The following FGF13 variants were observed in gnomAD, a reference collection of about 807,000 sequenced individuals.
FGF13 encodes fibroblast growth factor 13, also known as fibroblast growth factor homologous factor 2.
FGF13 carries 2 observed loss-of-function variants against 19.5 expected under a neutral mutation model. The ratio of observed to expected loss-of-function variants is 0.10; its 90% CI spans 0.04 to 0.32. FGF13 has a LOEUF of 0.32. Among genes scored for constraint, FGF13 ranks in the 10% least tolerant of loss-of-function variants. FGF13 has a pLI of 1.00. For synonymous variants in FGF13, 72 were observed against 76.9 expected, an observed-to-expected ratio of 0.94 and a Z score of 0.33; for missense variants, 113 against 192.7, an observed-to-expected ratio of 0.59 and a Z score of 2.45.
intron 1 of FGF13, among the ~76,000 whole-genome samples, chrX:138,882,625 C>T (rs1334350357): frequency 6.3e-5 from 7 of 111,717 alleles, no homozygotes; most frequent in Non-Finnish European, 1.3e-4. Context: ...CTCAAGCCAT[C>T]CAGGGTAAAC....
chrX:138,711,833 C>T (rs950441468), upstream of FGF13, among the ~76,000 whole-genome samples: 1 of 104,634 alleles, frequency 9.6e-6, no homozygotes, highest in South Asian at 4.6e-4. Context: ...CCCCAAGTCC[C>T]CGGCCGCCCG....
intron 1 of FGF13, among the ~76,000 whole-genome samples, chrX:139,174,307 TTGTCA>T (rs2084160517): frequency 8.9e-6 from 1 of 112,540 alleles, no homozygotes; most frequent in Non-Finnish European, 1.9e-5. Context: ...TGTTAGCTCT[TTGTCA>T]GATGGATAGA....
At chrX:138,824,676 T>G (rs2091022020) in intron 3 of FGF13, among the ~76,000 whole-genome samples, 10 of 111,280 alleles carry the variant, frequency 9.0e-5, no homozygotes, top group Admixed American at 4.8e-4. Flanking sequence ...AGGCCAAATT[T>G]TACTAAATTT....
intron 1 of FGF13, among the ~76,000 whole-genome samples, chrX:138,989,873 C>G (rs992838382): frequency 1.8e-5 from 2 of 111,574 alleles, no homozygotes; most frequent in African/African-American, 6.5e-5. Flanking sequence ...CGTGTTCACA[C>G]TATTGTGTCA....
intron 1 of FGF13, among the ~76,000 whole-genome samples, chrX:138,888,245 C>A (rs1244973382): frequency 8.9e-6 from 1 of 112,034 alleles, no homozygotes; most frequent in African/African-American, 3.2e-5. Context: ...TATCACTTTG[C>A]AAGTCCTATT....
chrX:138,821,403 T>C (rs2090998798), intron 3 of FGF13, among the ~76,000 whole-genome samples: 1 of 111,927 alleles, frequency 8.9e-6, no homozygotes, highest in Non-Finnish European at 1.9e-5. Flanking sequence ...CTTTTGAGTA[T>C]GCCTGGAACG....
Position 138,711,195 on chromosome X carries a change from C to T in FGF13, c.-192G>A, listed in dbSNP as rs750308528. ...GCTCAGCATGCCGTCCGAGCTCCTCCGGCGGCGGTCCGGCTCCCGCGCGGG... is the reference window on the plus strand; with the variant it reads ...GCTCAGCATGCCGTCCGAGCTCCTCTGGCGGCGGTCCGGCTCCCGCGCGGG... On this transcript the variant is annotated 5_prime_UTR_variant, in exon 1 of 5. Transcript: ENST00000315930. 20 of 1,057,718 alleles carry T rather than the reference C, an allele frequency of 1.9e-5. No individual in the cohort carries two copies. The East Asian group carries it at 4.5e-4, about 24-fold the overall frequency. The allele number at this position is 1,057,718 out of a possible 1,213,427, so 87.2% of individuals were successfully genotyped here.
chrX:139,139,135 G>A (rs1160112375), intron 1 of FGF13, among the ~76,000 whole-genome samples: 2 of 110,339 alleles, frequency 1.8e-5, no homozygotes, highest in African/African-American at 6.6e-5. Flanking sequence ...GTTTCACCAT[G>A]TTGGTCAGGC....
chrX:139,079,412 G>C (rs1057473416), intron 1 of FGF13, among the ~76,000 whole-genome samples: 2 of 110,607 alleles, frequency 1.8e-5, no homozygotes, highest in African/African-American at 6.6e-5. Context: ...ATAAAACTAG[G>C]TCTGAGAGAT....
chrX:138,786,531 T>G (rs2090693758), intron 3 of FGF13, among the ~76,000 whole-genome samples: 2 of 111,871 alleles, frequency 1.8e-5, no homozygotes, highest in Admixed American at 9.5e-5. Context: ...GCTTCAAGCA[T>G]GCTTATTTCT....
intron 1 of FGF13, among the ~76,000 whole-genome samples, chrX:139,024,032 G>A (rs755968363): frequency 4.5e-4 from 50 of 110,973 alleles, no homozygotes; most frequent in African/African-American, 1.5e-3. Context: ...ATGTTTCTCC[G>A]GGCTTAAAGC....
intron 1 of FGF13, among the ~76,000 whole-genome samples, chrX:139,094,559 G>A (rs2083458452): frequency 9.0e-6 from 1 of 111,492 alleles, no homozygotes; most frequent in Non-Finnish European, 1.9e-5. Context: ...AAGAGGAGAG[G>A]GCTGACCTGA....
chrX:138,822,504 T>C (rs1017411415), intron 3 of FGF13, among the ~76,000 whole-genome samples: 2 of 111,443 alleles, frequency 1.8e-5, no homozygotes, highest in Non-Finnish European at 3.8e-5. Flanking sequence ...TAGATAGCAC[T>C]CACAAAACCC....
At chrX:139,074,578 T>A (rs754165288) in intron 1 of FGF13, among the ~76,000 whole-genome samples, 4 of 112,148 alleles carry the variant, frequency 3.6e-5, no homozygotes, top group Non-Finnish European at 5.6e-5. Flanking sequence ...CACCATGCCT[T>A]CAGTGTGGTG....
intron 1 of FGF13, among the ~76,000 whole-genome samples, chrX:139,039,195 C>A (rs1367940547): frequency 1.8e-5 from 2 of 111,847 alleles, no homozygotes; most frequent in Non-Finnish European, 3.8e-5. Context: ...TCATGACAGC[C>A]CCACAAAGTG....
chrX:138,665,070 T>C (rs2089527128), intron 3 of FGF13, among the ~76,000 whole-genome samples: 1 of 110,950 alleles, frequency 9.0e-6, no homozygotes, highest in African/African-American at 3.3e-5. Context: ...TTTGCTCCTT[T>C]AGTCCCTTCA....
intron 1 of FGF13, among the ~76,000 whole-genome samples, chrX:138,878,475 A>T (rs1355152060): frequency 9.2e-6 from 1 of 108,666 alleles, no homozygotes; most frequent in Non-Finnish European, 1.9e-5. Flanking sequence ...TACAAAGGAC[A>T]TGAACTCATC....
chrX:138,981,313 G>A (rs2091962481), intron 1 of FGF13, among the ~76,000 whole-genome samples: 1 of 63,602 alleles, frequency 1.6e-5, no homozygotes, highest in African/African-American at 6.6e-5. Context: ...ACAAAATTGT[G>A]TGCTTACACA....
chrX:138,892,651 A>C (rs2091483668), intron 1 of FGF13, among the ~76,000 whole-genome samples: 1 of 110,823 alleles, frequency 9.0e-6, no homozygotes. Context: ...AGAAGCCTCC[A>C]AAGGAGTGAC....
Sources: allele counts gnomAD v4.1 joint callset (sites outside exome capture counted in the v4.1 genomes callset), GRCh38; gene constraint gnomAD v4.1.1; transcripts MANE v1.5; gene names NCBI Gene and HGNC (gene_info 2026-07-23, HGNC 2026-07-21).